FMNL3: variants seen among roughly 807,000 people sequenced by gnomAD.
FMNL3 encodes formin like 3.
A neutral mutation model predicts 119.6 loss-of-function variants in FMNL3; 57 were observed. That is an observed-to-expected ratio of 0.48 (90% CI 0.39 to 0.59). The LOEUF (loss-of-function observed/expected upper bound fraction) is 0.59. Among genes scored for constraint, FMNL3 ranks in the 20% least tolerant of loss-of-function variants. The pLI is 0.00. For synonymous variants in FMNL3, 491 were observed against 507.3 expected (o/e 0.97, Z 0.43); for missense variants, 1,053 against 1,323.5 (o/e 0.80, Z 3.17).
intron 16 of FMNL3, 30 bp downstream of exon 16, chr12:49,651,138 C>G (rs752512419): frequency 6.2e-7 from 1 of 1,608,324 alleles, no homozygotes; most frequent in Non-Finnish European, 8.5e-7. Flanking sequence ...AGCCCTCAAC[C>G]TTAGCCCTCT....
chr12:49,700,670 G>A (rs138856685), intron 1 of FMNL3, among the ~76,000 whole-genome samples: 191 of 132,940 alleles, frequency 1.4e-3, no homozygotes, highest in South Asian at 0.012. Context: ...AGCCGAGATC[G>A]CACCATTGCA....
At chr12:49,672,323 A>T (rs1410999103) in intron 1 of FMNL3, among the ~76,000 whole-genome samples, 1 of 152,182 alleles carries the variant, frequency 6.6e-6, no homozygotes, top group Non-Finnish European at 1.5e-5. Context: ...TCCAAGGAAG[A>T]AGTAAGGGAG....
intron 1 of FMNL3, among the ~76,000 whole-genome samples, chr12:49,699,161 C>T (rs1944834391): frequency 6.6e-6 from 1 of 152,112 alleles, no homozygotes; most frequent in South Asian, 2.1e-4. Context: ...AATGTTTCCC[C>T]AGAATGGAAG....
chr12:49,636,637 G>T lies in FMNL3; in HGVS notation c.*9178C>A. The T allele has an allele frequency of 6.3e-7, 1 of 1,590,830 alleles. No homozygotes were observed. The highest frequency in any genetic ancestry group is 8.6e-7 in the Non-Finnish European group (1 of 1,163,194). On this transcript the variant is annotated 3_prime_UTR_variant, in exon 26 of 26. Coordinates refer to ENST00000335154, the MANE Select transcript of FMNL3 (RefSeq NM_175736.5). ...TCCCTAGCACCTGTAGGACAGCATC[G>T]TTGAAACATTAGGGGTGCTGGGGTC...
In FMNL3 at chr12:49,642,447, C is replaced by A; in HGVS notation, c.*3368G>T. On this transcript the variant is annotated 3_prime_UTR_variant, in exon 26 of 26. Coordinates refer to ENST00000335154, the MANE Select transcript of FMNL3 (RefSeq NM_175736.5). The surrounding 1 kb of genome is among the most constrained non-coding windows in gnomAD (Gnocchi z 5.8). ...GTGCTTCACCACTGAGGGCCCACCCCAGTCACGTCACAGCCCTGGGCCAGC... is the reference window on the plus strand; with the variant it reads ...GTGCTTCACCACTGAGGGCCCACCCAAGTCACGTCACAGCCCTGGGCCAGC... 1 of 1,580,246 alleles carries A rather than the reference C, an allele frequency of 6.3e-7. No homozygotes were observed. Among genetic ancestry groups the A allele is most frequent in the Non-Finnish European group, 8.7e-7 (1 of 1,152,116 alleles).
At chr12:49,675,629 G>A (rs1944165735) in intron 1 of FMNL3, among the ~76,000 whole-genome samples, 1 of 152,132 alleles carries the variant, frequency 6.6e-6, no homozygotes, top group Non-Finnish European at 1.5e-5. Flanking sequence ...CATCACCTGG[G>A]TGGGCCGTTA....
At position 49,643,314 on chromosome 12, in the gene FMNL3, C is replaced by T. The variant is rs114477497; in HGVS notation, c.*2501G>A. 220 of 1,610,744 alleles carry T rather than the reference C, an allele frequency of 1.4e-4. No homozygotes were observed. In the African/African-American group the frequency reaches 2.5e-3, roughly 18 times the overall value. ...AACCCCTCAGAGTCAGGCTCTGAGC[C>T]CTCTTCCTCACTTGATTCAGTTGAA... On this transcript the variant is annotated 3_prime_UTR_variant, in exon 26 of 26. Coordinates refer to ENST00000335154, the MANE Select transcript of FMNL3 (RefSeq NM_175736.5).
In FMNL3 at chr12:49,647,328, T is replaced by C; in HGVS notation, c.2819A>G (p.Glu940Gly). ...AGCCAGCTGCTTCTCCCGCATTACC[T>C]CCTCCTGCTTCTTGCGGGCTTCATT... Reference protein sequence around the residue: ...QENEARKKQEEVMREKQLAQE... With the variant: ...QENEARKKQEGVMREKQLAQE... Residue 940 changes from glutamate (E) to glycine (G), a missense_variant, in exon 24 of 26, where the codon GAG becomes GGG. Glu to Gly is a moderately conservative substitution (Grantham distance 98). Around this residue, in one of 4 missense-constraint regions of FMNL3, gnomAD observed 324 missense variants for 380.9 expected, o/e 0.85. Transcript: ENST00000335154. The surrounding 1 kb of genome is among the most constrained non-coding windows in gnomAD (Gnocchi z 4.9). 1 of 1,613,740 alleles carries C rather than the reference T, an allele frequency of 6.2e-7. No homozygotes were observed. The highest frequency in any genetic ancestry group is 8.5e-7 in the Non-Finnish European group (1 of 1,179,986).
intron 1 of FMNL3, among the ~76,000 whole-genome samples, chr12:49,686,927 G>A (rs1401126128): frequency 6.6e-6 from 1 of 152,092 alleles, no homozygotes; most frequent in Non-Finnish European, 1.5e-5. Context: ...GATGAGTACT[G>A]ACTCTGATCC....
In FMNL3 at chr12:49,643,432, C is replaced by T; in HGVS notation, c.*2383G>A. On this transcript the variant is annotated 3_prime_UTR_variant, in exon 26 of 26. Coordinates refer to ENST00000335154, the MANE Select transcript of FMNL3 (RefSeq NM_175736.5). ...TGCTGTGAGCGTAGAAGCTGGAGAA[C>T]TGTTGTCCCAGACTGAGAGGATGCC... 2 of 1,529,034 alleles carry T rather than the reference C, an allele frequency of 1.3e-6. No homozygotes were observed. Among genetic ancestry groups the T allele is most frequent in the Non-Finnish European group, 8.8e-7 (1 of 1,140,692 alleles). 94.7% of individuals were successfully genotyped at this position (1,529,034 alleles called of 1,614,324 possible).
Position 49,654,894 on chromosome 12 carries a change from A to C in FMNL3, c.960+16T>G. 6.2e-7 allele frequency: 1 copy of C among 1,613,132 alleles called. No individual in the cohort carries two copies. Among genetic ancestry groups the C allele is most frequent in the East Asian group, 2.2e-5 (1 of 44,888 alleles). ...GCCCTGGTGGGTATGTGCTGGACCCAGGCCCAGTTCCTCACCATGAAGTCA... is the reference window on the plus strand; with the variant it reads ...GCCCTGGTGGGTATGTGCTGGACCCCGGCCCAGTTCCTCACCATGAAGTCA... On this transcript the variant is annotated intron_variant, in intron 10 of 25. Transcript: ENST00000335154.
Position 49,642,746 on chromosome 12 carries a change from A to AG in FMNL3, c.*3068dup. 6.6e-7 allele frequency: 1 copy of AG among 1,525,718 alleles called. No individual in the cohort carries two copies. The highest frequency in any genetic ancestry group is 1.2e-5 in the South Asian group (1 of 84,890). The allele number at this position is 1,525,718 out of a possible 1,614,324, so 94.5% of individuals were successfully genotyped here. A position where few individuals can be genotyped will look rare whatever the true frequency, so the allele number is the denominator to read the frequency against. On this transcript the variant is annotated 3_prime_UTR_variant, in exon 26 of 26. Coordinates refer to ENST00000335154, the MANE Select transcript of FMNL3 (RefSeq NM_175736.5). This position sits in a 1 kb window ranked among gnomAD's most constrained non-coding sequence, Gnocchi z 5.8. ...ATTAGACCAGTTCAACAGAGACCTCAGTGGCCTCCCTCTTACCCTTAGGGC... is the reference window on the plus strand; with the variant it reads ...ATTAGACCAGTTCAACAGAGACCTCAGGTGGCCTCCCTCTTACCCTTAGGGC...
chr12:49,705,762 G>C (rs1236436805), intron 1 of FMNL3, among the ~76,000 whole-genome samples: 1 of 152,258 alleles, frequency 6.6e-6, no homozygotes, highest in Non-Finnish European at 1.5e-5. Flanking sequence ...CCTTCGCAGA[G>C]CTGGCGGGCA....
At chr12:49,662,123 G>T in intron 4 of FMNL3, 74 bp from the exon 5 acceptor site, 1 of 1,361,528 alleles carries the variant, frequency 7.3e-7, no homozygotes, top group South Asian at 1.2e-5. Context: ...ACATGCCTCT[G>T]ACCCAACACC....
intron 1 of FMNL3, among the ~76,000 whole-genome samples, chr12:49,675,505 C>G (rs1253046432): frequency 2.0e-5 from 3 of 152,198 alleles, no homozygotes; most frequent in Non-Finnish European, 4.4e-5. Flanking sequence ...AGTGCTACCT[C>G]TCAGAGGACA....
At chr12:49,698,239 T>A (rs1944805812) in intron 1 of FMNL3, among the ~76,000 whole-genome samples, 1 of 151,986 alleles carries the variant, frequency 6.6e-6, no homozygotes, top group Non-Finnish European at 1.5e-5. Flanking sequence ...AGAGGTAAGA[T>A]CACCAGCCCC....
At position 49,637,341 on chromosome 12, in the gene FMNL3, C is replaced by T. The variant is rs574896485; in HGVS notation, c.*8474G>A. 9.3e-6 allele frequency: 6 copies of T among 645,418 alleles called. No homozygotes were observed. In the African/African-American group the frequency reaches 1.1e-4, roughly 12 times the overall value. The allele number at this position is 645,418 out of a possible 1,614,324, so 40.0% of individuals were successfully genotyped here. ...TCCATCTGCATCTCTTCATCTCTGC[C>T]TCTCTTGCCTGCATTTCCTCAATCT... On this transcript the variant is annotated 3_prime_UTR_variant, in exon 26 of 26. Transcript: ENST00000335154.
chr12:49,682,995 C>T (rs1431389397), intron 1 of FMNL3, among the ~76,000 whole-genome samples: 1 of 152,130 alleles, frequency 6.6e-6, no homozygotes, highest in African/African-American at 2.4e-5. Context: ...CTCTAGTGTT[C>T]CCGCCTCATC....
At chr12:49,677,606 A>G (rs996599669) in intron 1 of FMNL3, among the ~76,000 whole-genome samples, 2 of 152,250 alleles carry the variant, frequency 1.3e-5, no homozygotes, top group African/African-American at 4.8e-5. Context: ...TTTTTATTCA[A>G]CATTTAGCTG....
Sources: gnomAD v4.1 joint callset for allele counts (sites outside exome capture counted in the v4.1 genomes callset) on GRCh38, gnomAD v4.1.1 for gene constraint, gnomAD v4.1.1 regional missense constraint, Gnocchi (gnomAD v3.1) non-coding constraint, MANE v1.5 for transcripts, NCBI Gene and HGNC (gene_info 2026-07-23, HGNC 2026-07-21) for gene names.